TBCK: variants seen among roughly 807,000 people sequenced by gnomAD.
TBCK encodes the protein TBC1 domain containing kinase, also known as TBC domain-containing protein kinase-like protein.
TBCK carries 99 observed loss-of-function variants against 113.4 expected under a neutral mutation model. The observed-to-expected ratio is 0.87, with a 90% CI of 0.74 to 1.03. TBCK has a LOEUF of 1.03. Ranked by LOEUF, TBCK falls within the 50% of genes least tolerant of loss-of-function variation. TBCK has a pLI of 0.00. For missense variants in TBCK, 1,045 were observed against 1,061.3 expected (o/e 0.98, Z 0.21); for synonymous variants, 369 against 370.8 (o/e 1.00, Z 0.05).
At chr4:106,271,502 A>T (rs111287947) in intron 3 of TBCK, among the ~76,000 whole-genome samples, 2,221 of 152,244 alleles carry the variant, frequency 0.015, 53 homozygotes, top group African/African-American at 0.051. Context: ...CTGTAATCCC[A>T]GCACTTTGGG....
upstream of TBCK, chr4:106,316,547 C>T (rs775095409): frequency 6.4e-7 from 1 of 1,551,540 alleles, no homozygotes; most frequent in Admixed American, 2.0e-5. Context: ...GCTGGACCTA[C>T]ATGCTTCCTG....
rs142857494 is a variant in TBCK at position 106,179,533 on chromosome 4, G to A, written c.2060-8263C>T. Among the ~76,000 whole-genome samples, 11 of 152,038 alleles carry A rather than the reference G, an allele frequency of 7.2e-5. No individual in the cohort carries two copies. In the East Asian group the frequency reaches 2.1e-3, roughly 29 times the overall value. ...TTTGCTATTCAGAAGCACATCATTT[G>A]ATTTCCATAAATCTGTAGTTTCTAA... On this transcript the variant is annotated intron_variant, in intron 22 of 25. Coordinates refer to ENST00000394708, the MANE Select transcript of TBCK (RefSeq NM_001163435.3).
chr4:106,307,588 G>A (rs28408532), intron 2 of TBCK, among the ~76,000 whole-genome samples: 9,684 of 152,074 alleles, frequency 0.064, 364 homozygotes, highest in Non-Finnish European at 0.082. Context: ...TTAATATTAG[G>A]TTGAAACACA....
chr4:106,248,652 T>G (rs1342676012), intron 8 of TBCK, among the ~76,000 whole-genome samples: 3 of 152,150 alleles, frequency 2.0e-5, no homozygotes, highest in Admixed American at 2.0e-4. Flanking sequence ...TCATAAGGGC[T>G]CTTCCCCTGG....
At chr4:106,285,192 T>C (rs1017542595) in intron 3 of TBCK, among the ~76,000 whole-genome samples, 4 of 152,040 alleles carry the variant, frequency 2.6e-5, no homozygotes, top group Admixed American at 6.6e-5. Context: ...TGTTGAATAT[T>C]TTTTTTCCTT....
At chr4:106,172,756 G>A (rs116030594) in intron 22 of TBCK, among the ~76,000 whole-genome samples, 3,788 of 152,094 alleles carry the variant, frequency 0.025, 170 homozygotes, top group African/African-American at 0.087. Flanking sequence ...GAAAAAGAAG[G>A]TAACACTGAC....
Position 106,193,608 on chromosome 4 carries a change from C to T in TBCK, c.2059+1G>A, listed in dbSNP as rs764516422. ...ATGGCTCCATTTATTTAGATCTATA[C>T]CTGGTAAATCGGAGAAGAGAAGAAT... On this transcript the variant is annotated splice_donor_variant, in intron 22 of 25. Transcript: ENST00000394708. LOFTEE classifies it high-confidence loss of function. The T allele has an allele frequency of 2.5e-6, 4 of 1,612,930 alleles. No homozygotes were observed. Among genetic ancestry groups the T allele is most frequent in the South Asian group, 1.1e-5 (1 of 90,982 alleles).
chr4:106,260,710 T>A (rs1762428144), intron 4 of TBCK, among the ~76,000 whole-genome samples, 200 bp from the exon 5 acceptor site: 1 of 151,962 alleles, frequency 6.6e-6, no homozygotes, highest in African/African-American at 2.4e-5. Flanking sequence ...TTTATACTCA[T>A]TAAATATGTA....
intron 4 of TBCK, among the ~76,000 whole-genome samples, chr4:106,261,293 G>GC (rs1762481193): frequency 6.6e-6 from 1 of 151,852 alleles, no homozygotes; most frequent in African/African-American, 2.4e-5. Flanking sequence ...TTGTGTGTTT[G>GC]TTTTTTAGAG....
intron 23 of TBCK, among the ~76,000 whole-genome samples, chr4:106,134,288 T>C (rs1746311502): frequency 1.3e-5 from 2 of 152,046 alleles, no homozygotes; most frequent in Non-Finnish European, 2.9e-5. Context: ...TTCCTTATAT[T>C]TCATTTGCAT....
At chr4:106,123,902 A>C (rs1179851377) in intron 23 of TBCK, among the ~76,000 whole-genome samples, 4 of 150,452 alleles carry the variant, frequency 2.7e-5, no homozygotes, top group Admixed American at 2.0e-4. Context: ...AAAACCCTAG[A>C]AGAAAACCTA....
chr4:106,201,619 T>A lies in TBCK; in HGVS notation c.1861-6865A>T, dbSNP rs529041750. ...TAGTGATATTTAGCATTTCATGAGA[T>A]CCTTCCATGTGGTCTGGTAATGTCA... On this transcript the variant is annotated intron_variant, in intron 20 of 25. Coordinates refer to ENST00000394708, the MANE Select transcript of TBCK (RefSeq NM_001163435.3). 1.8e-4 allele frequency among the ~76,000 whole-genome samples: 27 copies of A among 152,030 alleles called. No individual in the cohort carries two copies. In the South Asian group the frequency reaches 5.6e-3, roughly 32 times the overall value.
intron 20 of TBCK, among the ~76,000 whole-genome samples, chr4:106,204,932 A>G (rs999410980): frequency 9.3e-5 from 14 of 150,610 alleles, no homozygotes; most frequent in Admixed American, 7.9e-4. Flanking sequence ...CGCCCGGCTA[A>G]TTTTTTGTAT....
At chr4:106,277,044 C>G (rs1289876758) in intron 3 of TBCK, among the ~76,000 whole-genome samples, 1 of 151,934 alleles carries the variant, frequency 6.6e-6, no homozygotes, top group Non-Finnish European at 1.5e-5. Flanking sequence ...AAAAATTGAA[C>G]AAATACATAT....
chr4:106,221,777 G>A (rs922318393), intron 19 of TBCK, among the ~76,000 whole-genome samples: 2 of 151,978 alleles, frequency 1.3e-5, no homozygotes, highest in Non-Finnish European at 1.5e-5. Flanking sequence ...AATTGACATG[G>A]ACACAAAGAA....
chr4:106,090,553 C>T (rs910359937), intron 25 of TBCK, among the ~76,000 whole-genome samples: 1 of 152,130 alleles, frequency 6.6e-6, no homozygotes, highest in Non-Finnish European at 1.5e-5. Flanking sequence ...TAGGGCTGGG[C>T]TACAAGTTTT....
chr4:106,206,013 ATTG>A (rs896075026), intron 20 of TBCK, among the ~76,000 whole-genome samples: 1 of 152,106 alleles, frequency 6.6e-6, no homozygotes, highest in African/African-American at 2.4e-5. Flanking sequence ...TGGTTTTGTT[ATTG>A]TTATTTTTAA....
At chr4:106,236,549 A>C (rs1330635074) in intron 13 of TBCK, 30 bp from the exon 14 acceptor site, 2 of 1,446,192 alleles carry the variant, frequency 1.4e-6, no homozygotes, top group Non-Finnish European at 1.8e-6. Context: ...CAATAAAAAA[A>C]AAAAATGGAC....
rs755278539 is a variant in TBCK at position 106,131,175 on chromosome 4, G to A, written c.2236-14797C>T. The stretch of plus-strand genomic sequence containing the variant: ...TCCCCTGCACAAGCTCTTGCCTGCC[G>A]CCATGTAAGATATGACTTTGCTCCT... On this transcript the variant is annotated intron_variant, in intron 23 of 25. Coordinates refer to ENST00000394708, the MANE Select transcript of TBCK (RefSeq NM_001163435.3). Among the ~76,000 whole-genome samples, 9 of 152,282 alleles carry A rather than the reference G, an allele frequency of 5.9e-5. No homozygotes were observed. In the East Asian group the frequency reaches 7.7e-4, roughly 13 times the overall value.
Sources: gnomAD v4.1 joint callset for allele counts (sites outside exome capture counted in the v4.1 genomes callset) on GRCh38, gnomAD v4.1.1 for gene constraint, MANE v1.5 for transcripts, NCBI Gene and HGNC (gene_info 2026-07-23, HGNC 2026-07-21) for gene names.